The following WDR72 variants were observed in gnomAD, a reference collection of about 807,000 sequenced individuals.
WDR72 encodes WD repeat domain 72, also known as WD repeat-containing protein 72.
A neutral mutation model predicts 124.2 loss-of-function variants in WDR72; 120 were observed. That is an observed-to-expected ratio of 0.97 (90% CI 0.83 to 1.12). The LOEUF is 1.12. Ranked by LOEUF, WDR72 falls within the 50% of genes most tolerant of loss-of-function variation. The pLI, the probability that WDR72 is intolerant of heterozygous loss-of-function variation, is 0.00. For synonymous variants in WDR72, 452 were observed against 441.7 expected (o/e 1.02, Z -0.29); for missense variants, 1,387 against 1,278.8 (o/e 1.08, Z -1.29).
At chr15:53,727,353 TAG>T (rs2018071956) in intron 2 of WDR72, among the ~76,000 whole-genome samples, 1 of 152,136 alleles carries the variant, frequency 6.6e-6, no homozygotes, top group African/African-American at 2.4e-5. Flanking sequence ...CGAACATATG[TAG>T]ATGGTAACTC....
chr15:53,710,833 G>T (rs754379128), intron 9 of WDR72, 24 bp downstream of exon 9: 4 of 1,549,146 alleles, frequency 2.6e-6, no homozygotes, highest in South Asian at 2.2e-5. Context: ...CAGCTTTGAG[G>T]CAGTCACTCT....
chr15:53,665,434 A>C (rs2015743894), intron 14 of WDR72, 138 bp downstream of exon 14: 14 of 948,038 alleles, frequency 1.5e-5, no homozygotes, highest in Non-Finnish European at 2.3e-5. Context: ...TGATTCACCC[A>C]AGATTACTTG....
At position 53,568,157 on chromosome 15, in the gene WDR72, T is replaced by C. The variant is rs555438568; in HGVS notation, c.3148+28922A>G. Among the ~76,000 whole-genome samples, 7 of 151,294 alleles carry C rather than the reference T, an allele frequency of 4.6e-5. No individual in the cohort carries two copies. In the South Asian group the frequency reaches 1.5e-3, roughly 32 times the overall value. On this transcript the variant is annotated intron_variant, in intron 18 of 19. Coordinates refer to ENST00000360509, the MANE Select transcript of WDR72 (RefSeq NM_182758.4). ...TATCTGATTTTTAAAAATAGGTAAA[T>C]TTAAAAAAATTACATCAAATACAAA...
At chr15:53,729,882 G>A (rs1334550778) in intron 2 of WDR72, among the ~76,000 whole-genome samples, 1 of 152,048 alleles carries the variant, frequency 6.6e-6, no homozygotes, top group Non-Finnish European at 1.5e-5. Flanking sequence ...AATGCAAAGT[G>A]TGCAGCCACC....
chr15:53,517,931 G>A (rs1400004330), intron 19 of WDR72, among the ~76,000 whole-genome samples, 177 bp from the exon 20 acceptor site: 1 of 151,960 alleles, frequency 6.6e-6, no homozygotes, highest in Non-Finnish European at 1.5e-5. Flanking sequence ...ATTTCTACAT[G>A]TCTTTTCCAT....
chr15:53,563,013 C>T (rs972023421), intron 18 of WDR72, among the ~76,000 whole-genome samples: 5 of 151,580 alleles, frequency 3.3e-5, no homozygotes, highest in African/African-American at 7.3e-5. Context: ...ACAATAAAAG[C>T]GAGGGAATTT....
At chr15:53,645,844 C>A (rs79898680) in intron 14 of WDR72, among the ~76,000 whole-genome samples, 4,232 of 152,136 alleles carry the variant, frequency 0.028, 84 homozygotes, top group Non-Finnish European at 0.036. Context: ...GCTAGATTAA[C>A]CTTAAGTAGG....
intron 1 of WDR72, among the ~76,000 whole-genome samples, chr15:53,756,182 G>C (rs1304530138): frequency 6.6e-6 from 1 of 152,176 alleles, no homozygotes; most frequent in African/African-American, 2.4e-5. Flanking sequence ...ATTGAATCAT[G>C]AGGATGGTTT....
intron 13 of WDR72, among the ~76,000 whole-genome samples, chr15:53,668,427 A>T (rs1033205377): frequency 6.6e-6 from 1 of 152,188 alleles, no homozygotes; most frequent in Non-Finnish European, 1.5e-5. Flanking sequence ...AAATTCTGAC[A>T]GTGGATGGGT....
chr15:53,561,846 C>T (rs947667212), intron 18 of WDR72, among the ~76,000 whole-genome samples: 1 of 151,744 alleles, frequency 6.6e-6, no homozygotes, highest in Non-Finnish European at 1.5e-5. Context: ...TTTTTAAAAG[C>T]TCCCCAGGTA....
At chr15:53,622,211 C>G (rs59858789) in intron 14 of WDR72, among the ~76,000 whole-genome samples, 19,337 of 152,076 alleles carry the variant, frequency 0.13, 2,770 homozygotes, top group African/African-American at 0.36. Context: ...GAGGAAGACA[C>G]TGTAGCGATT....
At chr15:53,530,197 C>T (rs1012683953) in intron 18 of WDR72, among the ~76,000 whole-genome samples, 1 of 150,494 alleles carries the variant, frequency 6.6e-6, no homozygotes, top group Non-Finnish European at 1.5e-5. Flanking sequence ...AAATAAGAAA[C>T]ATTACTTCTT....
chr15:53,702,862 C>T, intron 11 of WDR72, among the ~76,000 whole-genome samples: 1 of 151,918 alleles, frequency 6.6e-6, no homozygotes, highest in Admixed American at 6.6e-5. Context: ...GTACATTTAC[C>T]TCCACAAAAA....
At chr15:53,760,591 A>G (rs533242145), upstream of WDR72, among the ~76,000 whole-genome samples, 1 of 152,312 alleles carries the variant, frequency 6.6e-6, no homozygotes, top group South Asian at 2.1e-4. Context: ...TTGATGGACA[A>G]CTTAGGTTGA....
intron 18 of WDR72, among the ~76,000 whole-genome samples, chr15:53,529,164 A>ATATATATATATATTTTT (rs59003623): frequency 2.6e-5 from 2 of 78,168 alleles, no homozygotes; most frequent in African/African-American, 1.0e-4. Context: ...ATATATATAT[A>ATATATATATATATTTTT]TTTTTTTTTT....
intron 18 of WDR72, among the ~76,000 whole-genome samples, chr15:53,565,324 CAT>C (rs1411133228): frequency 6.6e-6 from 1 of 151,792 alleles, no homozygotes; most frequent in African/African-American, 2.4e-5. Context: ...TTTTTGAACA[CAT>C]GTGCACAGAA....
At chr15:53,687,648 TA>T (rs2016688500) in intron 13 of WDR72, among the ~76,000 whole-genome samples, 1 of 145,796 alleles carries the variant, frequency 6.9e-6, no homozygotes, top group South Asian at 2.3e-4. Flanking sequence ...GAGGAACTGG[TA>T]CCATTCCTTC....
intron 18 of WDR72, among the ~76,000 whole-genome samples, chr15:53,591,987 A>C (rs2012531047): frequency 6.6e-6 from 1 of 152,032 alleles, no homozygotes; most frequent in Admixed American, 6.6e-5. Context: ...TATCTTCAGC[A>C]CACCTGGAAT....
intron 19 of WDR72, among the ~76,000 whole-genome samples, chr15:53,521,855 G>A (rs976575189): frequency 3.3e-5 from 5 of 151,892 alleles, no homozygotes; most frequent in Non-Finnish European, 7.4e-5. Context: ...TAAAAGTAAT[G>A]GATAAATAAT....
Sources: gnomAD v4.1 joint callset for allele counts (sites outside exome capture counted in the v4.1 genomes callset) on GRCh38, gnomAD v4.1.1 for gene constraint, MANE v1.5 for transcripts, NCBI Gene and HGNC (gene_info 2026-07-23, HGNC 2026-07-21) for gene names.